THEMIS: variants seen among roughly 807,000 people sequenced by gnomAD.
THEMIS encodes protein THEMIS.
THEMIS carries 37 observed loss-of-function variants against 52.6 expected under a neutral mutation model. The ratio of observed to expected loss-of-function variants is 0.70; its 90% CI spans 0.54 to 0.93. The LOEUF is 0.93. Ranked by LOEUF, THEMIS falls within the 40% of genes least tolerant of loss-of-function variation. THEMIS has a pLI of 0.00. For synonymous variants in THEMIS, 292 were observed against 272.7 expected, an observed-to-expected ratio of 1.07 and a Z score of -0.70; for missense variants, 808 against 763.1, an observed-to-expected ratio of 1.06 and a Z score of -0.69.
chr6:127,908,034 A>C (rs1472163090), intron 1 of THEMIS, among the ~76,000 whole-genome samples: 1 of 152,166 alleles, frequency 6.6e-6, no homozygotes, highest in African/African-American at 2.4e-5. Flanking sequence ...TGCAAAATGC[A>C]ACCGCCTATG....
chr6:127,856,527 C>A (rs1779624250), intron 1 of THEMIS, among the ~76,000 whole-genome samples: 1 of 151,904 alleles, frequency 6.6e-6, no homozygotes, highest in Non-Finnish European at 1.5e-5. Flanking sequence ...TACTAATGTC[C>A]CCACAGAAGT....
At chr6:127,756,935 T>C (rs1337929700) in intron 4 of THEMIS, among the ~76,000 whole-genome samples, 3 of 152,280 alleles carry the variant, frequency 2.0e-5, no homozygotes, top group Admixed American at 1.3e-4. Context: ...ATTAGCATTG[T>C]ACATAATAAA....
intron 4 of THEMIS, among the ~76,000 whole-genome samples, chr6:127,741,201 C>T (rs745688258): frequency 3.9e-5 from 6 of 152,174 alleles, no homozygotes; most frequent in Non-Finnish European, 5.9e-5. Context: ...TAAACCTATG[C>T]GTAAGCTTAC....
At chr6:127,715,761 T>C (rs1774136958) in intron 5 of THEMIS, among the ~76,000 whole-genome samples, 1 of 151,940 alleles carries the variant, frequency 6.6e-6, no homozygotes, top group South Asian at 2.1e-4. Flanking sequence ...ATCACCTGTA[T>C]GTGAGTCTCA....
chr6:127,811,001 C>T (rs2114597632), intron 4 of THEMIS, among the ~76,000 whole-genome samples: 1 of 152,148 alleles, frequency 6.6e-6, no homozygotes. Flanking sequence ...CCCTTAAGTG[C>T]TCTATGGGTA....
chr6:127,745,434 ATATCTT>A (rs1775354752), intron 4 of THEMIS, among the ~76,000 whole-genome samples: 4 of 151,880 alleles, frequency 2.6e-5, no homozygotes, highest in Admixed American at 1.3e-4. Context: ...ATGTTTATAA[ATATCTT>A]TATGCTATAA....
chr6:127,829,712 T>G lies in THEMIS; in HGVS notation c.473A>C (p.His158Pro), dbSNP rs140922989. The change falls in exon 3 of 6, where the codon CAT becomes CCT. Residue 158 changes from histidine (H) to proline (P), a missense_variant. Transcript: ENST00000368248. ...AGGCAAATTAAATGAGTGAGTTTGA[T>G]GATTCCTTGCTACTGCACAGCTCAC... The part of the protein sequence containing the change: ...IMVSCAVARN[H>P]QTHSFNLPLS... The G allele has an allele frequency of 1.2e-6, 2 of 1,614,146 alleles. No individual in the cohort carries two copies. The highest frequency in any genetic ancestry group is 1.7e-5 in the Admixed American group (1 of 60,020).
intron 5 of THEMIS, among the ~76,000 whole-genome samples, chr6:127,716,211 T>G (rs1274020164): frequency 2.0e-5 from 3 of 151,850 alleles, no homozygotes; most frequent in Non-Finnish European, 4.4e-5. Context: ...ATAAGCATAT[T>G]TAAAAGGTCA....
At chr6:127,901,424 C>T (rs1781131711), upstream of THEMIS, among the ~76,000 whole-genome samples, 2 of 152,100 alleles carry the variant, frequency 1.3e-5, no homozygotes, top group African/African-American at 2.4e-5. Context: ...TGGCTTTGTG[C>T]CTTATTTGCA....
At chr6:127,744,676 G>A (rs1348777300) in intron 4 of THEMIS, among the ~76,000 whole-genome samples, 1 of 151,970 alleles carries the variant, frequency 6.6e-6, no homozygotes, top group Non-Finnish European at 1.5e-5. Flanking sequence ...GGGGATAAGA[G>A]GAGACATGAG....
At chr6:127,733,310 T>G (rs879880960) in intron 4 of THEMIS, among the ~76,000 whole-genome samples, 17 of 152,230 alleles carry the variant, frequency 1.1e-4, no homozygotes, top group Admixed American at 2.6e-4. Flanking sequence ...CGTTTTCACT[T>G]CCTTAATGTT....
intron 4 of THEMIS, among the ~76,000 whole-genome samples, chr6:127,751,074 T>C (rs1317359077): frequency 1.3e-5 from 2 of 151,748 alleles, no homozygotes; most frequent in African/African-American, 2.4e-5. Flanking sequence ...AAAATATTTA[T>C]GTTACAGTGG....
In THEMIS at chr6:127,775,433, G is replaced by A. The variant is rs542325429; in HGVS notation, c.1758+37450C>T. On this transcript the variant is annotated intron_variant, in intron 4 of 5. Transcript: ENST00000368248. The stretch of plus-strand genomic sequence containing the variant: ...GACCCTCACAGCAGAGAGGGCCAAA[G>A]AGTCTTGTCCTTAAAATTCTTAGAA... 2.6e-5 allele frequency among the ~76,000 whole-genome samples: 4 copies of A among 152,304 alleles called. No individual in the cohort carries two copies. The South Asian group carries it at 6.2e-4, about 24-fold the overall frequency.
At chr6:127,730,339 A>G (rs538495616) in intron 4 of THEMIS, among the ~76,000 whole-genome samples, 98 of 150,538 alleles carry the variant, frequency 6.5e-4, no homozygotes, top group Non-Finnish European at 1.2e-3. Context: ...AAGAAAAGAA[A>G]AGAAGAGAAG....
intron 4 of THEMIS, among the ~76,000 whole-genome samples, chr6:127,749,877 G>C (rs1775574941): frequency 6.6e-6 from 1 of 150,968 alleles, no homozygotes; most frequent in African/African-American, 2.4e-5. Flanking sequence ...GAGTTTTATA[G>C]AATATAGGAG....
At chr6:127,846,125 T>C (rs1014585680) in intron 2 of THEMIS, among the ~76,000 whole-genome samples, 1 of 152,010 alleles carries the variant, frequency 6.6e-6, no homozygotes, top group African/African-American at 2.4e-5. Context: ...AGTTGTCCAC[T>C]AAGCTAACTA....
intron 1 of THEMIS, among the ~76,000 whole-genome samples, chr6:127,861,798 A>G (rs1377638888): frequency 3.5e-5 from 3 of 84,920 alleles, no homozygotes; most frequent in Admixed American, 1.4e-4. Flanking sequence ...AAAAAAAAAA[A>G]AAAAAAAGAA....
chr6:127,858,368 C>T (rs140211208), intron 1 of THEMIS, among the ~76,000 whole-genome samples: 81 of 152,026 alleles, frequency 5.3e-4, no homozygotes, highest in African/African-American at 2.0e-3. Context: ...TCGTGACTTC[C>T]AATGTTCTTC....
chr6:127,732,924 C>T (rs1368380686), intron 4 of THEMIS, among the ~76,000 whole-genome samples: 1 of 152,062 alleles, frequency 6.6e-6, no homozygotes, highest in African/African-American at 2.4e-5. Context: ...CTGCAGTTTC[C>T]CAGAGTAATA....
Sources: allele counts gnomAD v4.1 joint callset (sites outside exome capture counted in the v4.1 genomes callset), GRCh38; gene constraint gnomAD v4.1.1; transcripts MANE v1.5; gene names NCBI Gene and HGNC (gene_info 2026-07-23, HGNC 2026-07-21).